Variants in CREBBP observed in about 807,000 individuals in gnomAD.
The protein encoded by CREBBP is CREB-binding protein.
A neutral mutation model predicts 265.0 loss-of-function variants in CREBBP; 19 were observed. The observed-to-expected ratio is 0.07, with a 90% CI of 0.05 to 0.11. The LOEUF (loss-of-function observed/expected upper bound fraction) is 0.11. Ranked by LOEUF, CREBBP falls within the 10% of genes least tolerant of loss-of-function variation. CREBBP has a pLI of 1.00. For missense variants in CREBBP, 2,525 were observed against 3,219.0 expected (o/e 0.78, Z 5.22); for synonymous variants, 1,457 against 1,223.7 (o/e 1.19, Z -3.98).
intron 1 of CREBBP, among the ~76,000 whole-genome samples, chr16:3,865,076 C>G (rs998542631): frequency 1.3e-4 from 20 of 152,166 alleles, no homozygotes; most frequent in African/African-American, 4.6e-4. Context: ...AAAAGAATAT[C>G]TGCAACACAT....
chr16:3,816,378 A>G (rs764679498), intron 2 of CREBBP, among the ~76,000 whole-genome samples: 5 of 152,168 alleles, frequency 3.3e-5, no homozygotes, highest in Admixed American at 6.6e-5. Flanking sequence ...GGTTTCCCCA[A>G]CTCCAACCAC....
chr16:3,787,890 G>T (rs1334087721), intron 5 of CREBBP, among the ~76,000 whole-genome samples: 3 of 152,152 alleles, frequency 2.0e-5, no homozygotes, highest in Non-Finnish European at 4.4e-5. Flanking sequence ...TGCTCAGGCT[G>T]GTGTTGAACA....
At position 3,778,770 on chromosome 16, in the gene CREBBP, C is replaced by T. The variant is rs2141237839; in HGVS notation, c.1871G>A (p.Arg624His). The T allele has an allele frequency of 1.2e-6, 2 of 1,613,972 alleles. No individual in the cohort carries two copies. Among genetic ancestry groups the T allele is most frequent in the Admixed American group, 1.7e-5 (1 of 60,026 alleles). The part of the protein sequence containing the change: ...PTPDPAALKD[R>H]RMENLVAYAK... Reference sequence around the variant, plus strand: ...ATAGGCTACCAGGTTTTCCATGCGGCGATCCTTTAGAGCTGCGGGATCAGG... The same window carrying T: ...ATAGGCTACCAGGTTTTCCATGCGGTGATCCTTTAGAGCTGCGGGATCAGG... Residue 624 changes from arginine (R) to histidine (H), a missense_variant, in exon 9 of 31, where the codon CGC (arginine) becomes CAC (histidine). By Grantham distance (29) the Arg-to-His change is conservative. This residue lies in a region of CREBBP where 29 missense variants were observed against 99.9 expected (regional missense o/e 0.29). Transcript: ENST00000262367.
chr16:3,753,821 G>T (rs984995353), intron 19 of CREBBP, among the ~76,000 whole-genome samples: 1 of 152,060 alleles, frequency 6.6e-6, no homozygotes, highest in Non-Finnish European at 1.5e-5. Context: ...AATCAAACAC[G>T]CAGAACTATG....
intron 13 of CREBBP, among the ~76,000 whole-genome samples, chr16:3,771,421 T>C (rs967183450): frequency 6.6e-6 from 1 of 152,082 alleles, no homozygotes; most frequent in African/African-American, 2.4e-5. Context: ...CTTGTGAAAA[T>C]TCATCGAGCT....
At chr16:3,747,088 GC>G (rs1567278846) in intron 21 of CREBBP, among the ~76,000 whole-genome samples, 1 of 148,428 alleles carries the variant, frequency 6.7e-6, no homozygotes, top group Admixed American at 6.9e-5. Context: ...CCCCCAGCAA[GC>G]CCCCCTGCCT....
chr16:3,729,731 G>T lies in CREBBP; in HGVS notation c.5316C>A (p.Ile1772=). 1 of 1,610,032 alleles carries T rather than the reference G, an allele frequency of 6.2e-7. No homozygotes were observed. Among genetic ancestry groups the T allele is most frequent in the Non-Finnish European group, 8.5e-7 (1 of 1,179,332 alleles). Residue 1772 remains isoleucine (I), a synonymous_variant, in exon 31 of 31, where the codon ATC becomes ATA. Transcript: ENST00000262367. The stretch of plus-strand genomic sequence containing the variant: ...GCACCAGCGACTGGATGCAGCGCTG[G>T]ATGCTCAGCCGGCGTGACTCCTGGG... The part of the protein sequence containing the change: ...KSPQESRRLS[I]QRCIQSLVHA...
At chr16:3,879,743 G>C (rs530857558) in intron 1 of CREBBP, 89 bp downstream of exon 1, 43 of 1,378,648 alleles carry the variant, frequency 3.1e-5, no homozygotes, top group Non-Finnish European at 4.1e-5. Context: ...GGCTCGATCG[G>C]TATCCGCGAC....
At chr16:3,753,481 C>A (rs1194251138) in intron 19 of CREBBP, among the ~76,000 whole-genome samples, 1 of 152,114 alleles carries the variant, frequency 6.6e-6, no homozygotes, top group East Asian at 1.9e-4. Flanking sequence ...TTGGCACTAA[C>A]TCAATTAATA....
chr16:3,805,100 G>A (rs531491278), intron 3 of CREBBP, among the ~76,000 whole-genome samples: 2 of 152,200 alleles, frequency 1.3e-5, no homozygotes, highest in Non-Finnish European at 2.9e-5. Context: ...CAAAACCAAC[G>A]GGGATAAGTT....
At chr16:3,737,825 C>T (rs1343735152) in intron 26 of CREBBP, among the ~76,000 whole-genome samples, 1 of 150,546 alleles carries the variant, frequency 6.6e-6, no homozygotes, top group East Asian at 2.0e-4. Context: ...CTTGCTCTGT[C>T]GCCCAGGCTG....
intron 5 of CREBBP, among the ~76,000 whole-genome samples, chr16:3,784,084 T>C (rs371332720): frequency 3.3e-5 from 5 of 152,348 alleles, no homozygotes; most frequent in African/African-American, 9.6e-5. Flanking sequence ...ATGTTAAAAA[T>C]AGCATCTTAT....
chr16:3,780,748 G>A lies in CREBBP; in HGVS notation c.1807C>T (p.His603Tyr), dbSNP rs1434130734. The A allele has an allele frequency of 6.2e-7, 1 of 1,614,096 alleles. No individual in the cohort carries two copies. Among genetic ancestry groups the A allele is most frequent in the Non-Finnish European group, 8.5e-7 (1 of 1,180,050 alleles). Residue 603 changes from histidine (H) to tyrosine (Y), a missense_variant, in exon 8 of 31, where the codon CAT becomes TAT. Coordinates refer to ENST00000262367, the MANE Select transcript of CREBBP (RefSeq NM_004380.3). ...HEHVTQDLRS[H>Y]LVHKLVQAIF... ...GTTACGTACAGTTTATGCACTAGAT[G>A]GCTCCGCAGGTCCTGAGTGACATGT...
chr16:3,825,359 G>A (rs773294506), intron 2 of CREBBP, among the ~76,000 whole-genome samples: 4 of 152,104 alleles, frequency 2.6e-5, no homozygotes, highest in Non-Finnish European at 5.9e-5. Context: ...CAGACCATGC[G>A]CCATTTTTTG....
At chr16:3,754,026 G>A (rs984942842) in intron 19 of CREBBP, among the ~76,000 whole-genome samples, 4 of 152,160 alleles carry the variant, frequency 2.6e-5, no homozygotes, top group African/African-American at 9.7e-5. Context: ...GGGAGGCACT[G>A]GTGGTGGAAT....
rs368174171 is a variant in CREBBP at position 3,728,194 on chromosome 16, G to C, written c.6853C>G (p.Pro2285Ala). ...GQPGLGADST[P>A]NIQQALQQRI... ...TGCTGCAGGGCTTGCTGGATGTTGGGGGTGCTGTCTGCCCCCAGCCCCGGC... is the reference window on the plus strand; with the variant it reads ...TGCTGCAGGGCTTGCTGGATGTTGGCGGTGCTGTCTGCCCCCAGCCCCGGC... The change falls in exon 31 of 31, where the codon CCC becomes GCC. Residue 2285 changes from proline to alanine, a missense_variant. By Grantham distance (27) the Pro-to-Ala change is conservative (BLOSUM62 -1). This residue lies in a region of CREBBP where 473 missense variants were observed against 459.3 expected (regional missense o/e 1.03). Coordinates refer to ENST00000262367, the MANE Select transcript of CREBBP (RefSeq NM_004380.3). The surrounding 1 kb of genome is among the most constrained non-coding windows in gnomAD (Gnocchi z 8.7). 1 of 1,613,942 alleles carries C rather than the reference G, an allele frequency of 6.2e-7. No homozygotes were observed. The highest frequency in any genetic ancestry group is 8.5e-7 in the Non-Finnish European group (1 of 1,180,002).
At chr16:3,756,635 C>T (rs371720369) in intron 19 of CREBBP, among the ~76,000 whole-genome samples, 4 of 152,200 alleles carry the variant, frequency 2.6e-5, no homozygotes, top group East Asian at 3.8e-4. Context: ...CATTTTGTAT[C>T]GTGCTGCTAG....
At chr16:3,854,080 C>G (rs2054911427) in intron 1 of CREBBP, among the ~76,000 whole-genome samples, 1 of 152,208 alleles carries the variant, frequency 6.6e-6, no homozygotes, top group South Asian at 2.1e-4. Flanking sequence ...TGGCAACACC[C>G]ACATGATCTG....
At chr16:3,759,837 C>G (rs1486625402) in intron 16 of CREBBP, among the ~76,000 whole-genome samples, 3 of 152,172 alleles carry the variant, frequency 2.0e-5, no homozygotes, top group Non-Finnish European at 4.4e-5. Flanking sequence ...TCTGTTTTCA[C>G]TAATACAAAC....
Sources: allele counts gnomAD v4.1 joint callset (sites outside exome capture counted in the v4.1 genomes callset), GRCh38; gene constraint gnomAD v4.1.1; regional missense constraint gnomAD v4.1.1; non-coding constraint Gnocchi (gnomAD v3.1); transcripts MANE v1.5; gene names NCBI Gene and HGNC (gene_info 2026-07-23, HGNC 2026-07-21).